RBFOX3: variants seen among roughly 807,000 people sequenced by gnomAD.
RBFOX3 encodes the protein RNA binding protein fox-1 homolog 3.
In RBFOX3, 17 loss-of-function variants were observed where a neutral mutation model predicts 48.7. The ratio of observed to expected loss-of-function variants is 0.35; its 90% confidence interval spans 0.24 to 0.52. The LOEUF is 0.52. Among genes scored for constraint, RBFOX3 ranks in the 20% least tolerant of loss-of-function variants. The pLI is 0.94. For synonymous variants in RBFOX3, 212 were observed against 209.5 expected (o/e 1.01, Z -0.10); for missense variants, 382 against 497.5 (o/e 0.77, Z 2.21).
At chr17:79,297,078 T>C (rs1385277434) in intron 3 of RBFOX3, among the ~76,000 whole-genome samples, 1 of 151,588 alleles carries the variant, frequency 6.6e-6, no homozygotes, top group East Asian at 1.9e-4. Flanking sequence ...TTGCTCTGTG[T>C]GCGTTCATTT....
intron 3 of RBFOX3, among the ~76,000 whole-genome samples, chr17:79,303,583 C>T (rs1204572308): frequency 1.3e-5 from 2 of 152,112 alleles, no homozygotes; most frequent in Non-Finnish European, 2.9e-5. Flanking sequence ...TAATAAGTCA[C>T]ATGGGCTAGG....
intron 4 of RBFOX3, among the ~76,000 whole-genome samples, chr17:79,178,751 C>T (rs987220951): frequency 2.0e-5 from 3 of 152,228 alleles, no homozygotes; most frequent in African/African-American, 7.2e-5. Flanking sequence ...GGACCAAGTG[C>T]CATCCTTTCC....
At chr17:79,272,138 G>T (rs192218802) in intron 3 of RBFOX3, among the ~76,000 whole-genome samples, 247 of 152,314 alleles carry the variant, frequency 1.6e-3, no homozygotes, top group Middle Eastern at 0.014. Context: ...GGGGTGTGTG[G>T]GGCTCCCTGC....
intron 6 of RBFOX3, among the ~76,000 whole-genome samples, chr17:79,105,555 A>G (rs948610576): frequency 1.5e-4 from 23 of 152,306 alleles, no homozygotes; most frequent in Admixed American, 1.0e-3. Flanking sequence ...CAGCCCTCCA[A>G]TGAGTCTAGA....
chr17:79,455,786 G>A (rs568698555), intron 2 of RBFOX3, among the ~76,000 whole-genome samples: 1 of 152,040 alleles, frequency 6.6e-6, no homozygotes, highest in Non-Finnish European at 1.5e-5. Flanking sequence ...GCTGTCACAC[G>A]CACAGCCACA....
chr17:79,230,824 G>A (rs2060949837), intron 4 of RBFOX3, among the ~76,000 whole-genome samples: 1 of 152,184 alleles, frequency 6.6e-6, no homozygotes, highest in South Asian at 2.1e-4. Flanking sequence ...GCCTGTGTAT[G>A]TGCCTGGGTT....
At chr17:79,193,037 C>G (rs2054834162) in intron 4 of RBFOX3, among the ~76,000 whole-genome samples, 1 of 152,202 alleles carries the variant, frequency 6.6e-6, no homozygotes, top group African/African-American at 2.4e-5. Flanking sequence ...CCTGGCTGAA[C>G]CTCATCCGCT....
the RBFOX3 span, among the ~76,000 whole-genome samples, chr17:79,645,339 C>T: frequency 3.3e-5 from 5 of 152,092 alleles, no homozygotes; most frequent in East Asian, 1.9e-4. Flanking sequence ...ACTAGCCACC[C>T]GCCAGAAACA....
In RBFOX3 at chr17:79,374,425, A is replaced by T. The variant is rs147772095; in HGVS notation, c.-174-66601T>A. On this transcript the variant is annotated intron_variant, in intron 2 of 14. Transcript: ENST00000693108. ...CTTCTTTGGAAAGGACCGGCTTTCC[A>T]TGCAGAAACAGGATCTGCTAATAGA... Among the ~76,000 whole-genome samples, 81 of 152,366 alleles carry T rather than the reference A, an allele frequency of 5.3e-4. No homozygotes were observed. In the East Asian group the frequency reaches 0.012, roughly 23 times the overall value.
At chr17:79,152,455 G>C (rs1318965260) in intron 4 of RBFOX3, among the ~76,000 whole-genome samples, 1 of 73,826 alleles carries the variant, frequency 1.4e-5, no homozygotes, top group African/African-American at 4.6e-5. Context: ...GGGGGGACTA[G>C]GGTGGGGGGG....
At chr17:79,283,847 T>A (rs2071199001) in intron 3 of RBFOX3, among the ~76,000 whole-genome samples, 1 of 152,264 alleles carries the variant, frequency 6.6e-6, no homozygotes, top group Non-Finnish European at 1.5e-5. Context: ...CTAATTTCCC[T>A]TTGTTTGAGA....
intron 4 of RBFOX3, among the ~76,000 whole-genome samples, chr17:79,146,574 G>A (rs549882614): frequency 7.6e-4 from 116 of 152,350 alleles, no homozygotes; most frequent in African/African-American, 2.6e-3. Context: ...AAAGCCAGTC[G>A]GTTCCCAGGT....
At chr17:79,237,178 G>A (rs964648613) in intron 3 of RBFOX3, among the ~76,000 whole-genome samples, 1 of 152,102 alleles carries the variant, frequency 6.6e-6, no homozygotes, top group African/African-American at 2.4e-5. Flanking sequence ...AAAACTTAGT[G>A]CAAAAAATAA....
intron 4 of RBFOX3, among the ~76,000 whole-genome samples, chr17:79,130,003 C>A (rs556974430): frequency 1.3e-5 from 2 of 152,100 alleles, no homozygotes; most frequent in Admixed American, 1.3e-4. Context: ...GGCTGCCCTG[C>A]GGGGACCGGG....
At chr17:79,160,011 T>C (rs1231367148) in intron 4 of RBFOX3, among the ~76,000 whole-genome samples, 1 of 152,230 alleles carries the variant, frequency 6.6e-6, no homozygotes, top group Non-Finnish European at 1.5e-5. Context: ...AGGGCAGCTC[T>C]GCTCAGGGCC....
intron 2 of RBFOX3, chr17:79,424,064 C>A (rs2066927267): frequency 6.6e-6 from 1 of 152,362 alleles, no homozygotes; most frequent in African/African-American, 2.4e-5. Context: ...TAGGCACCCT[C>A]ACTCACCCCA....
the RBFOX3 span, among the ~76,000 whole-genome samples, chr17:79,651,205 C>A: frequency 6.6e-6 from 1 of 152,244 alleles, no homozygotes; most frequent in African/African-American, 2.4e-5. Flanking sequence ...TCCTCCACCT[C>A]CCCAGTAAAC....
At chr17:79,544,759 C>A (rs894612578) in intron 1 of RBFOX3, among the ~76,000 whole-genome samples, 4 of 151,918 alleles carry the variant, frequency 2.6e-5, no homozygotes, top group Admixed American at 2.6e-4. Context: ...TTACATAACT[C>A]GGGTCCTTCC....
intron 1 of RBFOX3, among the ~76,000 whole-genome samples, chr17:79,502,973 C>G (rs1289279971): frequency 6.6e-6 from 1 of 152,206 alleles, no homozygotes; most frequent in Non-Finnish European, 1.5e-5. Context: ...GGACCTTAAA[C>G]AAGAGACAGG....
Sources: gnomAD v4.1 joint callset for allele counts (sites outside exome capture counted in the v4.1 genomes callset) on GRCh38, gnomAD v4.1.1 for gene constraint, MANE v1.5 for transcripts, NCBI Gene and HGNC (gene_info 2026-07-23, HGNC 2026-07-21) for gene names.